THSD7A: variants seen among roughly 807,000 people sequenced by gnomAD.
THSD7A encodes the protein thrombospondin type-1 domain-containing protein 7A.
THSD7A carries 96 observed loss-of-function variants against 231.3 expected under a neutral mutation model. The observed-to-expected ratio is 0.41, with a 90% confidence interval of 0.35 to 0.49. The LOEUF (loss-of-function observed/expected upper bound fraction) is 0.49. Ranked by LOEUF, THSD7A falls within the 20% of genes least tolerant of loss-of-function variation. THSD7A has a pLI of 0.05. For missense variants in THSD7A, 2,290 were observed against 2,070.2 expected, an observed-to-expected ratio of 1.11 and a Z score of -2.06; for synonymous variants, 940 against 743.3, an observed-to-expected ratio of 1.26 and a Z score of -4.30.
At chr7:11,740,859 G>A (rs530273244) in intron 1 of THSD7A, among the ~76,000 whole-genome samples, 19 of 152,058 alleles carry the variant, frequency 1.2e-4, no homozygotes, top group African/African-American at 4.3e-4. Context: ...TTGTTCCATA[G>A]CATATTAGTC....
chr7:11,752,982 T>C (rs1003833042), intron 1 of THSD7A, among the ~76,000 whole-genome samples: 1 of 152,044 alleles, frequency 6.6e-6, no homozygotes, highest in Non-Finnish European at 1.5e-5. Flanking sequence ...TATTTAACTC[T>C]TTACATAGTT....
intron 19 of THSD7A, among the ~76,000 whole-genome samples, chr7:11,408,352 G>T (rs1285812821): frequency 6.6e-6 from 1 of 151,968 alleles, no homozygotes; most frequent in Non-Finnish European, 1.5e-5. Flanking sequence ...ATAAAAATTA[G>T]CTGGGATTGG....
At chr7:11,593,226 G>C (rs777476975) in intron 3 of THSD7A, 28 bp downstream of exon 3, 2 of 1,607,312 alleles carry the variant, frequency 1.2e-6, no homozygotes, top group South Asian at 2.2e-5. Flanking sequence ...AGTTTCGGCA[G>C]ACGCTATACC....
intron 1 of THSD7A, among the ~76,000 whole-genome samples, chr7:11,671,357 T>TA (rs1783385557): frequency 6.6e-6 from 1 of 152,188 alleles, no homozygotes; most frequent in East Asian, 1.9e-4. Context: ...TTCAGAACTA[T>TA]AAACTGCTTA....
chr7:11,671,060 T>C (rs865809228), intron 1 of THSD7A, among the ~76,000 whole-genome samples: 1 of 152,166 alleles, frequency 6.6e-6, no homozygotes, highest in African/African-American at 2.4e-5. Flanking sequence ...AGGCTAATAG[T>C]AGATAATGAA....
chr7:11,696,392 T>C (rs1780400582), intron 1 of THSD7A, among the ~76,000 whole-genome samples: 1 of 151,568 alleles, frequency 6.6e-6, no homozygotes, highest in Non-Finnish European at 1.5e-5. Context: ...TCAATTCTAA[T>C]TCATTATAAA....
At chr7:11,378,199 G>A (rs1782356758) in intron 26 of THSD7A, 1 of 152,146 alleles carries the variant, frequency 6.6e-6, no homozygotes, top group Non-Finnish European at 1.5e-5. Context: ...CTTTTCTCAT[G>A]TTTCTAATGG....
At chr7:11,591,434 G>A (rs1019086698) in intron 3 of THSD7A, among the ~76,000 whole-genome samples, 9 of 152,062 alleles carry the variant, frequency 5.9e-5, no homozygotes, top group African/African-American at 2.2e-4. Context: ...AAAGCACAAA[G>A]AACATGACTC....
chr7:11,474,427 G>T lies in THSD7A; in HGVS notation c.2159C>A (p.Thr720Lys). Residue 720 changes from threonine (T) to lysine (K), a missense_variant, in exon 8 of 28, where the codon ACG becomes AAG. Thr to Lys is a moderately conservative substitution (Grantham distance 78, BLOSUM62 -1). Transcript: ENST00000423059. This position sits in a 1 kb window ranked among gnomAD's most constrained non-coding sequence, Gnocchi z 4.1. ...GCAGGAGGCCTCCCCATTCCAAGTC[G>T]TAGTTGTGTTGAAGGACGATACTGA... is the stretch of plus-strand genomic sequence containing the variant. ...DTSVSSFNTT[T>K]TWNGEASCSV... is the part of the protein sequence containing the mutation. The T allele has an allele frequency of 6.2e-7, 1 of 1,613,570 alleles. No homozygotes were observed. The highest frequency in any genetic ancestry group is 1.1e-5 in the South Asian group (1 of 91,070).
Position 11,744,942 on chromosome 7 carries a change from C to T in THSD7A, c.190+86815G>A, listed in dbSNP as rs537822801. Reference sequence around the variant, plus strand: ...CTTTATAGCAGCATGTTTTATAATCCTTTGGGTATATACCCAGTAATGGGA... The same window carrying T: ...CTTTATAGCAGCATGTTTTATAATCTTTTGGGTATATACCCAGTAATGGGA... On this transcript the variant is annotated intron_variant, in intron 1 of 27. Coordinates refer to ENST00000423059, the MANE Select transcript of THSD7A (RefSeq NM_015204.3). 6.0e-3 allele frequency among the ~76,000 whole-genome samples: 916 copies of T among 152,060 alleles called. 3 individuals carry two copies. Among genetic ancestry groups the T allele is most frequent in the Non-Finnish European group, 8.8e-3 (597 of 67,992 alleles).
intron 2 of THSD7A, among the ~76,000 whole-genome samples, chr7:11,612,923 C>T (rs1040258855): frequency 1.3e-5 from 2 of 152,168 alleles, no homozygotes; most frequent in African/African-American, 4.8e-5. Context: ...GTAAGGAGGG[C>T]AGGACCGTTT....
chr7:11,798,879 C>A (rs576496954), intron 1 of THSD7A, among the ~76,000 whole-genome samples: 1 of 151,936 alleles, frequency 6.6e-6, no homozygotes, highest in African/African-American at 2.4e-5. Flanking sequence ...GCCTATTTAT[C>A]TATTTAGTAT....
intron 13 of THSD7A, among the ~76,000 whole-genome samples, chr7:11,440,545 C>G (rs979347365): frequency 2.6e-5 from 4 of 152,020 alleles, no homozygotes; most frequent in Non-Finnish European, 5.9e-5. Flanking sequence ...GTCATAATAT[C>G]TACCTTAACA....
At chr7:11,693,116 TC>T (rs1780284868) in intron 1 of THSD7A, among the ~76,000 whole-genome samples, 1 of 151,564 alleles carries the variant, frequency 6.6e-6, no homozygotes, top group South Asian at 2.1e-4. Context: ...TATAAACTTG[TC>T]CCTAAACTTT....
chr7:11,433,966 C>T (rs1321919556), intron 13 of THSD7A, among the ~76,000 whole-genome samples: 1 of 151,964 alleles, frequency 6.6e-6, no homozygotes, highest in African/African-American at 2.4e-5. Context: ...GATAAAACTG[C>T]AAAAGCGTAT....
chr7:11,824,516 TC>T (rs979401785), intron 1 of THSD7A, among the ~76,000 whole-genome samples: 48 of 152,216 alleles, frequency 3.2e-4, no homozygotes, highest in African/African-American at 1.1e-3. Flanking sequence ...ACTCTTAATC[TC>T]AGCTATGATT....
At chr7:11,476,714 C>T (rs184515265) in intron 7 of THSD7A, among the ~76,000 whole-genome samples, 178 of 150,830 alleles carry the variant, frequency 1.2e-3, no homozygotes, top group Admixed American at 0.01. Flanking sequence ...ATTCAGGAGG[C>T]TGAGGCAGGA....
Position 11,636,494 on chromosome 7 carries a change from G to T in THSD7A, c.658C>A (p.His220Asn), listed in dbSNP as rs1414124943. The stretch of plus-strand genomic sequence containing the variant: ...CCGAACTGCGGGGGCGCCACCACAT[G>T]ACGCGTCCGGTGCTGGAGCCCGCTG... ...CGSGLQHRTR[H>N]VVAPPQFGGS... The change falls in exon 2 of 28, where the codon CAT becomes AAT. Residue 220 changes from histidine (H) to asparagine (N), a missense_variant. By Grantham distance (68) the His-to-Asn change is moderately conservative. Coordinates refer to ENST00000423059, the MANE Select transcript of THSD7A (RefSeq NM_015204.3). The surrounding 1 kb of genome is among the most constrained non-coding windows in gnomAD (Gnocchi z 10.0). 3.1e-6 allele frequency: 5 copies of T among 1,613,782 alleles called. No homozygotes were observed. The highest frequency in any genetic ancestry group is 4.2e-6 in the Non-Finnish European group (5 of 1,179,848).
At position 11,628,549 on chromosome 7, in the gene THSD7A, AC is replaced by A. The variant is rs529912631; in HGVS notation, c.1022+7580del. Among the ~76,000 whole-genome samples the A allele has an allele frequency of 6.8e-5, 10 of 146,342 alleles. No individual in the cohort carries two copies. In the South Asian group the frequency reaches 2.1e-3, roughly 31 times the overall value. ...ATTATCTCTGTTGTTATCTGCACGCACTTTCTCTCTCTCTCTCTGTAGACAA... is the reference window on the plus strand; with the variant it reads ...ATTATCTCTGTTGTTATCTGCACGCATTTCTCTCTCTCTCTCTGTAGACAA... On this transcript the variant is annotated intron_variant, in intron 2 of 27. Transcript: ENST00000423059.
Sources: allele counts gnomAD v4.1 joint callset (sites outside exome capture counted in the v4.1 genomes callset), GRCh38; gene constraint gnomAD v4.1.1; non-coding constraint Gnocchi (gnomAD v3.1); transcripts MANE v1.5; gene names NCBI Gene and HGNC (gene_info 2026-07-23, HGNC 2026-07-21).